PDHX: variants seen among roughly 807,000 people sequenced by gnomAD.
PDHX encodes the protein pyruvate dehydrogenase protein X component, mitochondrial.
PDHX carries 33 observed loss-of-function variants against 55.3 expected under a neutral mutation model. The observed-to-expected ratio is 0.60, with a 90% confidence interval of 0.45 to 0.80. The LOEUF is 0.80. PDHX is among the 30% of genes least tolerant of loss of function. The pLI, the probability that PDHX is intolerant of heterozygous loss-of-function variation, is 0.00. For synonymous variants in PDHX, 226 were observed against 219.4 expected, an observed-to-expected ratio of 1.03 and a Z score of -0.27; for missense variants, 622 against 619.9, an observed-to-expected ratio of 1.00 and a Z score of -0.04.
chr11:34,984,786 C>G, intron 9 of PDHX, 58 bp downstream of exon 9: 1 of 1,528,104 alleles, frequency 6.5e-7, no homozygotes, highest in South Asian at 1.1e-5. Flanking sequence ...TGGATAATTA[C>G]TTTCTGATAA....
intron 3 of PDHX, among the ~76,000 whole-genome samples, chr11:34,956,511 C>T (rs1227761950): frequency 6.6e-6 from 1 of 152,068 alleles, no homozygotes; most frequent in Non-Finnish European, 1.5e-5. Context: ...AAGGGAATGA[C>T]ATTTTCTTCC....
chr11:34,918,272 T>C (rs1482549241), intron 1 of PDHX, among the ~76,000 whole-genome samples: 1 of 129,750 alleles, frequency 7.7e-6, no homozygotes, highest in Admixed American at 8.1e-5. Context: ...CCCCCGTCTC[T>C]ACTTAAAAAA....
chr11:34,949,934 G>GGAT (rs1029768053), intron 3 of PDHX, among the ~76,000 whole-genome samples: 3 of 151,630 alleles, frequency 2.0e-5, no homozygotes, highest in African/African-American at 7.3e-5. Flanking sequence ...TAGCATCCAT[G>GGAT]GATATTAAAA....
intron 3 of PDHX, among the ~76,000 whole-genome samples, chr11:34,953,479 G>T (rs1854827924): frequency 6.6e-6 from 1 of 152,158 alleles, no homozygotes; most frequent in Non-Finnish European, 1.5e-5. Context: ...GCATGCTACT[G>T]CTATCAACTC....
At chr11:34,957,362 G>T in intron 3 of PDHX, 22 bp from the exon 4 acceptor site, 1 of 1,489,468 alleles carries the variant, frequency 6.7e-7, no homozygotes, top group Non-Finnish European at 9.4e-7. Context: ...CTTCTCTACA[G>T]TTACTTCTTT....
chr11:34,932,464 C>G (rs1590733142), intron 2 of PDHX, among the ~76,000 whole-genome samples: 1 of 152,170 alleles, frequency 6.6e-6, no homozygotes, highest in Admixed American at 6.5e-5. Context: ...GCAAATGACT[C>G]TTACACGTAG....
chr11:34,962,247 T>C (rs1260222927), intron 5 of PDHX, among the ~76,000 whole-genome samples: 1 of 152,214 alleles, frequency 6.6e-6, no homozygotes, highest in Non-Finnish European at 1.5e-5. Flanking sequence ...GCTCCTAAAG[T>C]AATCCATGTA....
chr11:34,916,029 G>A, upstream of PDHX: 3 of 666,868 alleles, frequency 4.5e-6, no homozygotes, highest in Non-Finnish European at 2.4e-6. Context: ...CCCCGCCCGA[G>A]ACCACTGATC....
At chr11:34,924,923 G>A (rs1334387716) in intron 1 of PDHX, among the ~76,000 whole-genome samples, 3 of 152,042 alleles carry the variant, frequency 2.0e-5, no homozygotes, top group African/African-American at 7.2e-5. Flanking sequence ...GCCGGTCAGT[G>A]CCGCCCTCTG....
intron 1 of PDHX, 41 bp from the exon 2 acceptor site, chr11:34,931,363 A>G (rs1854160313): frequency 9.4e-7 from 1 of 1,061,000 alleles, no homozygotes; most frequent in African/African-American, 1.6e-5. Context: ...CATGAGGTGC[A>G]TTATTTGTTG....
chr11:34,958,713 C>A (rs1437183678), intron 4 of PDHX, among the ~76,000 whole-genome samples: 1 of 152,186 alleles, frequency 6.6e-6, no homozygotes, highest in Non-Finnish European at 1.5e-5. Flanking sequence ...AAGACAGTCT[C>A]ACTGATGCTT....
intron 2 of PDHX, among the ~76,000 whole-genome samples, chr11:34,947,083 A>C (rs771323112): frequency 6.6e-6 from 1 of 152,190 alleles, no homozygotes; most frequent in Non-Finnish European, 1.5e-5. Flanking sequence ...AACTTGCCCT[A>C]AGATGTGAAC....
At chr11:34,948,612 A>G (rs1441321097) in intron 3 of PDHX, among the ~76,000 whole-genome samples, 1 of 144,640 alleles carries the variant, frequency 6.9e-6, no homozygotes, top group Non-Finnish European at 1.5e-5. Context: ...TGTATTTTTA[A>G]CTTCGAATAT....
upstream of PDHX, chr11:34,916,413 A>C (rs1211407271): frequency 2.0e-6 from 3 of 1,506,306 alleles, no homozygotes; most frequent in Non-Finnish European, 1.8e-6. Context: ...GGGCGGGGCG[A>C]ACGGGGCGGG....
At chr11:34,933,006 G>A (rs1854215360) in intron 2 of PDHX, among the ~76,000 whole-genome samples, 1 of 152,152 alleles carries the variant, frequency 6.6e-6, no homozygotes, top group Non-Finnish European at 1.5e-5. Context: ...GAAAGAGGTG[G>A]CAGTGCTAAT....
intron 6 of PDHX, among the ~76,000 whole-genome samples, chr11:34,967,437 AT>A: frequency 6.6e-6 from 1 of 152,334 alleles, no homozygotes; most frequent in East Asian, 1.9e-4. Context: ...CTCATGTTTC[AT>A]GTCTTAAGTG....
chr11:34,983,007 C>T (rs58454793), intron 8 of PDHX, among the ~76,000 whole-genome samples: 2,483 of 152,240 alleles, frequency 0.016, 65 homozygotes, highest in African/African-American at 0.057. Flanking sequence ...TGATGAACAT[C>T]GATGCAAACA....
chr11:34,970,948 A>G (rs990723132), intron 7 of PDHX, among the ~76,000 whole-genome samples: 1 of 152,144 alleles, frequency 6.6e-6, no homozygotes, highest in Non-Finnish European at 1.5e-5. Context: ...GTGCTTTAGC[A>G]TTTACATAGG....
intron 2 of PDHX, among the ~76,000 whole-genome samples, chr11:34,935,208 T>C (rs1854280794): frequency 6.6e-6 from 1 of 152,026 alleles, no homozygotes; most frequent in Non-Finnish European, 1.5e-5. Context: ...AGGTTGTGCA[T>C]AGTGCTTTCA....
Sources: gnomAD v4.1 joint callset for allele counts (sites outside exome capture counted in the v4.1 genomes callset) on GRCh38, gnomAD v4.1.1 for gene constraint, MANE v1.5 for transcripts, NCBI Gene and HGNC (gene_info 2026-07-23, HGNC 2026-07-21) for gene names.